The following ELAPOR2 variants were observed in gnomAD, a reference collection of about 807,000 sequenced individuals.
The protein encoded by ELAPOR2 is endosome/lysosome-associated apoptosis and autophagy regulator family member 2.
In ELAPOR2, 89 loss-of-function variants were observed where a neutral mutation model predicts 120.7. The observed-to-expected ratio is 0.74, with a 90% confidence interval of 0.62 to 0.88. The LOEUF (loss-of-function observed/expected upper bound fraction) is 0.88. ELAPOR2 is among the 40% of genes least tolerant of loss of function. The pLI, the probability that ELAPOR2 is intolerant of heterozygous loss-of-function variation, is 0.00. For missense variants in ELAPOR2, 1,134 were observed against 1,251.6 expected, an observed-to-expected ratio of 0.91 and a Z score of 1.42; for synonymous variants, 444 against 444.9, an observed-to-expected ratio of 1.00 and a Z score of 0.03.
At position 87,040,821 on chromosome 7, in the gene ELAPOR2, C is replaced by T. The variant is rs534916752; in HGVS notation, c.189+18504G>A. 3.9e-3 allele frequency among the ~76,000 whole-genome samples: 596 copies of T among 152,022 alleles called. 1 individual carries two copies. Among genetic ancestry groups the T allele is most frequent in the African/African-American group, 0.013 (528 of 41,448 alleles). On this transcript the variant is annotated intron_variant, in intron 1 of 21. Transcript: ENST00000450689. The stretch of plus-strand genomic sequence containing the variant: ...CAGACAATCAAATTACTCTGAGCTA[C>T]GGGAGGACATTCAAACCAAAGGCAA...
chr7:86,881,262 T>C (rs1210422434), intron 21 of ELAPOR2, among the ~76,000 whole-genome samples: 4 of 152,056 alleles, frequency 2.6e-5, no homozygotes, highest in Non-Finnish European at 4.4e-5. Context: ...AGTGGTGTAA[T>C]CTCAGCTCAC....
chr7:86,943,799 A>G (rs1431592141), intron 4 of ELAPOR2, among the ~76,000 whole-genome samples: 2 of 152,090 alleles, frequency 1.3e-5, no homozygotes, highest in Non-Finnish European at 2.9e-5. Context: ...GGTTAAACAT[A>G]AATCTGTTTG....
chr7:87,016,421 C>T (rs1312993171), intron 1 of ELAPOR2, among the ~76,000 whole-genome samples: 1 of 151,672 alleles, frequency 6.6e-6, no homozygotes, highest in Non-Finnish European at 1.5e-5. Flanking sequence ...GCTCTTTACA[C>T]AACAAATTTT....
intron 2 of ELAPOR2, among the ~76,000 whole-genome samples, chr7:86,956,464 C>A (rs1206880795): frequency 6.6e-6 from 1 of 152,158 alleles, no homozygotes; most frequent in African/African-American, 2.4e-5. Context: ...TGGGTCTTCA[C>A]ATAGCCCTAT....
chr7:86,891,791 T>G lies in ELAPOR2; in HGVS notation c.2963A>C (p.Asn988Thr). 1.2e-6 allele frequency: 2 copies of G among 1,612,424 alleles called. No homozygotes were observed. The highest frequency in any genetic ancestry group is 1.7e-6 in the Non-Finnish European group (2 of 1,178,902). ...DSCAIMEGED[N>T]EEEVVYSNKQ... Reference sequence around the variant, plus strand: ...ATTGGAATATACAACTTCCTCTTCATTATCTTCTCCTTCCATGATAGCACA... The same window carrying G: ...ATTGGAATATACAACTTCCTCTTCAGTATCTTCTCCTTCCATGATAGCACA... The change falls in exon 21 of 22, where the codon AAT becomes ACT. Residue 988 changes from asparagine (N) to threonine (T), a missense_variant. Asn to Thr is a moderately conservative substitution (Grantham distance 65). Transcript: ENST00000450689.
At chr7:87,000,331 C>T (rs1003523579) in intron 1 of ELAPOR2, among the ~76,000 whole-genome samples, 2 of 152,124 alleles carry the variant, frequency 1.3e-5, no homozygotes, top group Non-Finnish European at 1.5e-5. Context: ...GAGACCAAGC[C>T]TTTCCTCTGG....
intron 8 of ELAPOR2, among the ~76,000 whole-genome samples, chr7:86,927,898 G>A (rs1790149427): frequency 6.6e-6 from 1 of 151,860 alleles, no homozygotes; most frequent in Admixed American, 6.6e-5. Flanking sequence ...AACAACTTCT[G>A]CAATAGGAAG....
chr7:86,917,804 TG>T (rs1050819207), intron 12 of ELAPOR2, among the ~76,000 whole-genome samples: 1 of 149,156 alleles, frequency 6.7e-6, no homozygotes, highest in African/African-American at 2.5e-5. Context: ...AAAAGGTCAT[TG>T]GGAAAAAAAA....
At position 86,877,160 on chromosome 7, in the gene ELAPOR2, T is replaced by C. The variant is rs1799200230; in HGVS notation, c.*3311A>G. Reference sequence around the variant, plus strand: ...GTAAATATAATTCTCTTTTCAATTATTCATTCCCATCTTAAAGTTTTACTT... The same window carrying C: ...GTAAATATAATTCTCTTTTCAATTACTCATTCCCATCTTAAAGTTTTACTT... On this transcript the variant is annotated 3_prime_UTR_variant, in exon 22 of 22. Transcript: ENST00000450689. 1.3e-5 allele frequency: 2 copies of C among 152,218 alleles called. No homozygotes were observed. Among genetic ancestry groups the C allele is most frequent in the African/African-American group, 4.8e-5 (2 of 41,464 alleles). 9.4% of individuals were successfully genotyped at this position (152,218 alleles called of 1,614,324 possible). A position where few individuals can be genotyped will look rare whatever the true frequency, so the allele number is the denominator to read the frequency against.
At chr7:87,056,647 T>G (rs907676395) in intron 1 of ELAPOR2, among the ~76,000 whole-genome samples, 1 of 152,228 alleles carries the variant, frequency 6.6e-6, no homozygotes, top group African/African-American at 2.4e-5. Context: ...ATATGTATTT[T>G]ATGAGTTTCA....
At chr7:86,984,637 T>C (rs919164487) in intron 1 of ELAPOR2, among the ~76,000 whole-genome samples, 5 of 152,174 alleles carry the variant, frequency 3.3e-5, no homozygotes, top group Admixed American at 3.3e-4. Context: ...TTGTAACCAA[T>C]GAGAACAAAG....
intron 1 of ELAPOR2, among the ~76,000 whole-genome samples, chr7:87,041,562 G>A (rs1165933309): frequency 6.6e-6 from 1 of 152,046 alleles, no homozygotes; most frequent in Non-Finnish European, 1.5e-5. Flanking sequence ...AGCAAATGCT[G>A]AGAGATTTTG....
rs1251899730 is a variant in ELAPOR2 at position 86,879,802 on chromosome 7, T to C, written c.*669A>G. Reference sequence around the variant, plus strand: ...TTTTGTTTTTTAGATTCCTTCAAACTTTCAGTCAAGCCCTTCTTACCAGCT... The same window carrying C: ...TTTTGTTTTTTAGATTCCTTCAAACCTTCAGTCAAGCCCTTCTTACCAGCT... On this transcript the variant is annotated 3_prime_UTR_variant, in exon 22 of 22. Coordinates refer to ENST00000450689, the MANE Select transcript of ELAPOR2 (RefSeq NM_001142749.3). 1 of 152,182 alleles carries C rather than the reference T, an allele frequency of 6.6e-6. No homozygotes were observed. Among genetic ancestry groups the C allele is most frequent in the Non-Finnish European group, 1.5e-5 (1 of 68,032 alleles). The allele number at this position is 152,182 out of a possible 1,614,324, so 9.4% of individuals were successfully genotyped here.
At chr7:87,003,845 T>C (rs923295276) in intron 1 of ELAPOR2, among the ~76,000 whole-genome samples, 2 of 152,154 alleles carry the variant, frequency 1.3e-5, no homozygotes, top group African/African-American at 2.4e-5. Flanking sequence ...TTCCCAACAA[T>C]GCAAAGAAGC....
chr7:86,913,794 T>C (rs1014609665), intron 13 of ELAPOR2, among the ~76,000 whole-genome samples: 1 of 152,206 alleles, frequency 6.6e-6, no homozygotes, highest in African/African-American at 2.4e-5. Flanking sequence ...GGTCTTATTA[T>C]GTTTTTCCTC....
chr7:87,040,858 A>G (rs1334318404), intron 1 of ELAPOR2, among the ~76,000 whole-genome samples: 1 of 152,062 alleles, frequency 6.6e-6, no homozygotes, highest in African/African-American at 2.4e-5. Flanking sequence ...GAAGTTGAAA[A>G]CTTTGAAAAA....
At chr7:86,901,309 T>A (rs1251008279) in intron 18 of ELAPOR2, among the ~76,000 whole-genome samples, 1 of 152,202 alleles carries the variant, frequency 6.6e-6, no homozygotes, top group Non-Finnish European at 1.5e-5. Context: ...TATGTAAGAA[T>A]TCACATTAAC....
At chr7:86,898,273 C>T (rs576704786) in intron 18 of ELAPOR2, among the ~76,000 whole-genome samples, 1 of 152,148 alleles carries the variant, frequency 6.6e-6, no homozygotes, top group African/African-American at 2.4e-5. Context: ...TATTCATATG[C>T]TATTCAAAGT....
intron 15 of ELAPOR2, chr7:86,911,608 T>C (rs775961083): frequency 2.2e-6 from 1 of 455,442 alleles, no homozygotes; most frequent in Admixed American, 2.4e-5. Context: ...CCCATTTGTA[T>C]GATTTAAGCC....
Sources: gnomAD v4.1 joint callset for allele counts (sites outside exome capture counted in the v4.1 genomes callset) on GRCh38, gnomAD v4.1.1 for gene constraint, MANE v1.5 for transcripts, NCBI Gene and HGNC (gene_info 2026-07-23, HGNC 2026-07-21) for gene names.